The following IL12RB1 variants were observed in gnomAD, a reference collection of about 807,000 sequenced individuals.
The protein encoded by IL12RB1 is interleukin 12 receptor subunit beta 1.
In IL12RB1, 64 loss-of-function variants were observed where a neutral mutation model predicts 94.4. The observed-to-expected ratio is 0.68, with a 90% confidence interval of 0.55 to 0.83. The LOEUF (loss-of-function observed/expected upper bound fraction) is 0.83. IL12RB1 is among the 40% of genes least tolerant of loss of function. The pLI is 0.00. For synonymous variants in IL12RB1, 362 were observed against 355.5 expected (o/e 1.02, Z -0.21); for missense variants, 814 against 855.6 (o/e 0.95, Z 0.61).
At chr19:18,077,373 A>AT in intron 5 of IL12RB1, 143 bp downstream of exon 5, 5 of 692,206 alleles carry the variant, frequency 7.2e-6, no homozygotes, top group Admixed American at 2.4e-5. Context: ...GAAAAAAAAA[A>AT]AGAAAAAGAA....
At chr19:18,082,009 T>C (rs1274985038) in intron 3 of IL12RB1, 141 bp downstream of exon 3, 1 of 688,762 alleles carries the variant, frequency 1.5e-6, no homozygotes, top group Non-Finnish European at 2.7e-6. Flanking sequence ...TCCAACTCTC[T>C]CTTCTTAGAT....
intron 9 of IL12RB1, 54 bp from the exon 10 acceptor site, chr19:18,069,767 C>G (rs993628948): frequency 7.6e-7 from 1 of 1,320,056 alleles, no homozygotes; most frequent in Non-Finnish European, 1.1e-6. Context: ...TCTCCCCAGT[C>G]CCCTTCTCTG....
At chr19:18,078,683 T>C (rs969215784) in intron 4 of IL12RB1, among the ~76,000 whole-genome samples, 5 of 151,870 alleles carry the variant, frequency 3.3e-5, no homozygotes, top group African/African-American at 1.2e-4. Flanking sequence ...CCAATTCTTT[T>C]TTTGTTTGTT....
At chr19:18,079,062 C>A (rs1432402448) in intron 4 of IL12RB1, among the ~76,000 whole-genome samples, 1 of 151,762 alleles carries the variant, frequency 6.6e-6, no homozygotes, top group African/African-American at 2.4e-5. Context: ...TATCCATCAC[C>A]TTCTATAATT....
At chr19:18,098,025 C>T (rs1474950658) in intron 1 of IL12RB1, among the ~76,000 whole-genome samples, 3 of 152,056 alleles carry the variant, frequency 2.0e-5, no homozygotes, top group Non-Finnish European at 4.4e-5. Flanking sequence ...GGGGAAGGTG[C>T]CCCCTTGGAC....
chr19:18,085,309 T>A (rs1456410140), intron 1 of IL12RB1, among the ~76,000 whole-genome samples: 7 of 151,540 alleles, frequency 4.6e-5, no homozygotes, highest in Admixed American at 3.9e-4. Flanking sequence ...CATCCTTCCA[T>A]CTCTCTCTGT....
At position 18,075,847 on chromosome 19, in the gene IL12RB1, T is replaced by G. The variant is rs139505765; in HGVS notation, c.602A>C (p.Glu201Ala). The G allele has an allele frequency of 3.8e-4, 617 of 1,613,312 alleles. 2 individuals carry two copies. In the African/African-American group the frequency reaches 7.5e-3, roughly 20 times the overall value. ...CTGGAATTCCTGGGCCACATTCATC[T>G]CCAGGGGGCAGAGGCAGGACTCTGG... ...DDTESCLCPL[E>A]MNVAQEFQLR... The change falls in exon 7 of 17, where the codon GAG becomes GCG. Residue 201 changes from glutamate (E) to alanine (A), a missense_variant. By Grantham distance (107) the Glu-to-Ala change is moderately radical. Coordinates refer to ENST00000593993, the MANE Select transcript of IL12RB1 (RefSeq NM_005535.3).
intron 4 of IL12RB1, among the ~76,000 whole-genome samples, chr19:18,078,406 C>A (rs1415858268): frequency 6.6e-6 from 1 of 151,322 alleles, no homozygotes; most frequent in Non-Finnish European, 1.5e-5. Flanking sequence ...GACTCTGTCT[C>A]AAAACAAATT....
Position 18,073,507 on chromosome 19 carries a change from G to A in IL12RB1, c.783+10C>T, listed in dbSNP as rs79972275. On this transcript the variant is annotated intron_variant, in intron 8 of 16. Transcript: ENST00000593993. ...CAGGCCACCCCACAGCCCTGTGACA[G>A]CCCCGTTACCTGCTCTTTCAGGGTC... is the stretch of plus-strand genomic sequence containing the variant. The A allele has an allele frequency of 9.1e-3, 14,365 of 1,573,350 alleles. 114 individuals carry two copies. Among genetic ancestry groups the A allele is most frequent in the South Asian group, 0.013 (1,132 of 90,228 alleles).
chr19:18,086,889 C>T lies in IL12RB1; in HGVS notation c.-66G>A, dbSNP rs775985029. 1.4e-5 allele frequency: 22 copies of T among 1,578,460 alleles called. No homozygotes were observed. In the African/African-American group the frequency reaches 1.8e-4, roughly 13 times the overall value. On this transcript the variant is annotated 5_prime_UTR_variant, in exon 1 of 17. Transcript: ENST00000593993. ...TGCCACCTGCGAGGTTCAGCCACCC[C>T]GTCCCCACTCCGGAACACATTGAAG...
chr19:18,068,790 C>T (rs1788406768), intron 10 of IL12RB1, among the ~76,000 whole-genome samples: 1 of 150,932 alleles, frequency 6.6e-6, no homozygotes, highest in Admixed American at 6.6e-5. Context: ...GCTGTGTCAC[C>T]CAGGCTGGAG....
upstream of IL12RB1, among the ~76,000 whole-genome samples, chr19:18,088,404 T>TATATATATATATATGTATATAA (rs1038225227): frequency 1.5e-5 from 2 of 137,736 alleles, no homozygotes; most frequent in Non-Finnish European, 3.1e-5. Flanking sequence ...TATATATATA[T>TATATATATATATATGTATATAA]AAATTAAAAG....
In IL12RB1 at chr19:18,059,161, T is replaced by C. The variant is rs2146048028; in HGVS notation, c.*447A>G. 5.6e-6 allele frequency: 1 copy of C among 177,956 alleles called. No homozygotes were observed. Among genetic ancestry groups the C allele is most frequent in the Non-Finnish European group, 1.1e-5 (1 of 87,140 alleles). 11.0% of individuals were successfully genotyped at this position (177,956 alleles called of 1,614,324 possible). ...GGTGAGGGTGGGGTGGGGGGTGGGA[T>C]GGGAGGACCGTCATTTTTCCCACAA... On this transcript the variant is annotated 3_prime_UTR_variant, in exon 17 of 17. Coordinates refer to ENST00000593993, the MANE Select transcript of IL12RB1 (RefSeq NM_005535.3).
chr19:18,071,396 T>C (rs1023290546), intron 9 of IL12RB1: 2 of 893,592 alleles, frequency 2.2e-6, no homozygotes, highest in African/African-American at 1.7e-5. Flanking sequence ...TAGCCTTTTT[T>C]CTTTCTTTCT....
rs1021069003 is a variant in IL12RB1 at position 18,059,297 on chromosome 19, T to C, written c.*311A>G. On this transcript the variant is annotated 3_prime_UTR_variant, in exon 17 of 17. Transcript: ENST00000593993. ...CCCATCCAGTGCTCCTGGGGGTGGA[T>C]GCCCAGCCCAGGGTCCAGGGATCCA... is the stretch of plus-strand genomic sequence containing the variant. 4 of 498,192 alleles carry C rather than the reference T, an allele frequency of 8.0e-6. No individual in the cohort carries two copies. The Admixed American group carries it at 1.0e-4, about 13-fold the overall frequency. The allele number at this position is 498,192 out of a possible 1,614,324, so 30.9% of individuals were successfully genotyped here.
chr19:18,085,075 T>C (rs1490659157), intron 1 of IL12RB1, among the ~76,000 whole-genome samples: 2 of 152,046 alleles, frequency 1.3e-5, no homozygotes, highest in Admixed American at 1.3e-4. Context: ...CCCCGTGCCC[T>C]TTGGGATTGC....
At chr19:18,084,622 C>A (rs904319498) in intron 1 of IL12RB1, among the ~76,000 whole-genome samples, 3 of 151,966 alleles carry the variant, frequency 2.0e-5, no homozygotes, top group Non-Finnish European at 2.9e-5. Flanking sequence ...TACACCCACC[C>A]ATCCATCCAT....
rs754507050 is a variant in IL12RB1 at position 18,059,565 on chromosome 19, C to T, written c.*43G>A. The T allele has an allele frequency of 1.3e-6, 1 of 778,734 alleles. No individual in the cohort carries two copies. The highest frequency in any genetic ancestry group is 2.4e-6 in the Non-Finnish European group (1 of 417,044). 48.2% of individuals were successfully genotyped at this position (778,734 alleles called of 1,614,324 possible). A position where few individuals can be genotyped will look rare whatever the true frequency, so the allele number is the denominator to read the frequency against. ...CCAAATGTGACTCCTGTGTGTGCTA[C>T]GTAGCCTCGGGCGAGTCACTCACCC... is the stretch of plus-strand genomic sequence containing the variant. On this transcript the variant is annotated 3_prime_UTR_variant, in exon 17 of 17. Coordinates refer to ENST00000593993, the MANE Select transcript of IL12RB1 (RefSeq NM_005535.3).
At chr19:18,074,909 G>A (rs917418712) in intron 7 of IL12RB1, among the ~76,000 whole-genome samples, 4 of 151,682 alleles carry the variant, frequency 2.6e-5, no homozygotes, top group African/African-American at 4.8e-5. Context: ...AAAATTAACC[G>A]GGCGTGGTTG....
Sources: allele counts gnomAD v4.1 joint callset (sites outside exome capture counted in the v4.1 genomes callset), GRCh38; gene constraint gnomAD v4.1.1; transcripts MANE v1.5; gene names NCBI Gene and HGNC (gene_info 2026-07-23, HGNC 2026-07-21).